The following CADM2 variants were observed in gnomAD, a reference collection of about 807,000 sequenced individuals.
CADM2 encodes the protein immunoglobulin superfamily member 4D.
In CADM2, 12 loss-of-function variants were observed where a neutral mutation model predicts 49.8. The ratio of observed to expected loss-of-function variants is 0.24; its 90% CI spans 0.15 to 0.39. The LOEUF is 0.39. Among genes scored for constraint, CADM2 ranks in the 10% least tolerant of loss-of-function variants. The pLI is 1.00. For synonymous variants in CADM2, 214 were observed against 175.4 expected (o/e 1.22, Z -1.74); for missense variants, 378 against 492.3 (o/e 0.77, Z 2.20).
intron 1 of CADM2, among the ~76,000 whole-genome samples, chr3:85,281,057 T>C (rs1313357758): frequency 6.6e-6 from 1 of 151,900 alleles, no homozygotes; most frequent in East Asian, 1.9e-4. Context: ...AAATGTAAAT[T>C]AATATAACCA....
chr3:85,757,483 G>A (rs1349219790), intron 2 of CADM2, among the ~76,000 whole-genome samples: 2 of 152,006 alleles, frequency 1.3e-5, no homozygotes, highest in African/African-American at 2.4e-5. Context: ...ATAATTTAGA[G>A]TGTGATAAAT....
intron 1 of CADM2, among the ~76,000 whole-genome samples, chr3:85,207,314 G>C (rs895416539): frequency 4.6e-5 from 7 of 152,022 alleles, no homozygotes; most frequent in Admixed American, 3.3e-4. Context: ...TTTCATCACT[G>C]ACTATTCATT....
Position 85,814,018 on chromosome 3 carries a change from G to A in CADM2, c.238+11822G>A, listed in dbSNP as rs537392747. Reference sequence around the variant, plus strand: ...TGTTACTTAGGATTGCCTTGGCTATGCGGGCTCTTTTTTGGTTCCATATGA... The same window carrying A: ...TGTTACTTAGGATTGCCTTGGCTATACGGGCTCTTTTTTGGTTCCATATGA... On this transcript the variant is annotated intron_variant, in intron 3 of 9. Coordinates refer to ENST00000383699, the MANE Select transcript of CADM2 (RefSeq NM_001167675.2). Among the ~76,000 whole-genome samples, 7 of 152,180 alleles carry A rather than the reference G, an allele frequency of 4.6e-5. No individual in the cohort carries two copies. In the South Asian group the frequency reaches 1.5e-3, roughly 32 times the overall value.
At chr3:86,063,667 A>T (rs1273943027) in intron 8 of CADM2, among the ~76,000 whole-genome samples, 2 of 152,056 alleles carry the variant, frequency 1.3e-5, no homozygotes, top group Non-Finnish European at 1.5e-5. Context: ...TTTTTTTTCT[A>T]TCTAGACATA....
At chr3:85,675,556 G>T (rs1043966033) in intron 1 of CADM2, among the ~76,000 whole-genome samples, 2 of 152,090 alleles carry the variant, frequency 1.3e-5, no homozygotes, top group African/African-American at 2.4e-5. Context: ...CTGTTCTCAT[G>T]CACAAGCATC....
chr3:85,249,999 T>C (rs2042739102), intron 1 of CADM2, among the ~76,000 whole-genome samples: 1 of 151,860 alleles, frequency 6.6e-6, no homozygotes, highest in African/African-American at 2.4e-5. Context: ...TGAAATAAAT[T>C]CATTATATTT....
intron 1 of CADM2, among the ~76,000 whole-genome samples, chr3:85,010,698 A>G (rs965296138): frequency 1.3e-5 from 2 of 151,674 alleles, no homozygotes; most frequent in Non-Finnish European, 2.9e-5. Flanking sequence ...TATGGCAGGT[A>G]TTATGTCATA....
chr3:85,321,980 C>T (rs771914289), intron 1 of CADM2, among the ~76,000 whole-genome samples: 2 of 151,962 alleles, frequency 1.3e-5, no homozygotes, highest in Non-Finnish European at 2.9e-5. Context: ...TCATTTTTGC[C>T]CAAGCATAAT....
intron 1 of CADM2, among the ~76,000 whole-genome samples, chr3:85,240,870 T>C (rs1230099433): frequency 2.6e-5 from 4 of 151,578 alleles, no homozygotes; most frequent in Non-Finnish European, 5.9e-5. Context: ...ACGTAATAGT[T>C]GTACATATCT....
chr3:85,581,444 A>G (rs111981125), intron 1 of CADM2, among the ~76,000 whole-genome samples: 6 of 152,184 alleles, frequency 3.9e-5, no homozygotes, highest in African/African-American at 1.4e-4. Context: ...AGAAAAAAAA[A>G]AAAAGGACTT....
intron 1 of CADM2, among the ~76,000 whole-genome samples, chr3:85,212,136 TTCTA>T (rs944366889): frequency 6.6e-6 from 1 of 152,154 alleles, no homozygotes; most frequent in Non-Finnish European, 1.5e-5. Context: ...GGAAATTTTT[TTCTA>T]TCTCTTTTTG....
chr3:85,767,360 A>C (rs1225893572), intron 2 of CADM2, among the ~76,000 whole-genome samples: 1 of 152,200 alleles, frequency 6.6e-6, no homozygotes, highest in Non-Finnish European at 1.5e-5. Context: ...GTGCTTAAGC[A>C]GAAGAGATTT....
At chr3:85,810,475 T>C (rs910403022) in intron 3 of CADM2, among the ~76,000 whole-genome samples, 2 of 152,066 alleles carry the variant, frequency 1.3e-5, no homozygotes, top group African/African-American at 2.4e-5. Flanking sequence ...TTCAGTTGCA[T>C]TGCTTCTCTG....
intron 1 of CADM2, among the ~76,000 whole-genome samples, chr3:85,473,316 T>A (rs1447162127): frequency 6.6e-6 from 1 of 152,060 alleles, no homozygotes; most frequent in Non-Finnish European, 1.5e-5. Flanking sequence ...TCATTCTTAT[T>A]GGACACAGCT....
intron 2 of CADM2, among the ~76,000 whole-genome samples, chr3:85,750,034 G>T (rs2068799184): frequency 2.0e-5 from 3 of 151,914 alleles, no homozygotes; most frequent in Admixed American, 1.3e-4. Flanking sequence ...ATTTTTCCAT[G>T]AATTACTCTT....
At chr3:84,991,227 G>C (rs532096943) in intron 1 of CADM2, among the ~76,000 whole-genome samples, 2 of 151,932 alleles carry the variant, frequency 1.3e-5, no homozygotes, top group Non-Finnish European at 2.9e-5. Flanking sequence ...TATAAACCTA[G>C]GGGACTCTGA....
At chr3:85,195,142 A>G (rs1258939191) in intron 1 of CADM2, among the ~76,000 whole-genome samples, 1 of 152,138 alleles carries the variant, frequency 6.6e-6, no homozygotes, top group Admixed American at 6.6e-5. Flanking sequence ...TCATGCCCAA[A>G]ACATGTCAAG....
At chr3:85,258,077 T>C (rs1254253519) in intron 1 of CADM2, among the ~76,000 whole-genome samples, 1 of 152,098 alleles carries the variant, frequency 6.6e-6, no homozygotes, top group Non-Finnish European at 1.5e-5. Flanking sequence ...AGATTCACTT[T>C]CCTATTGGCT....
chr3:85,185,020 TA>T (rs1415243290), intron 1 of CADM2, among the ~76,000 whole-genome samples: 1 of 152,020 alleles, frequency 6.6e-6, no homozygotes, highest in Non-Finnish European at 1.5e-5. Flanking sequence ...GCTAATGCAA[TA>T]AGGTCCCTAT....
Sources: gnomAD v4.1 joint callset for allele counts (sites outside exome capture counted in the v4.1 genomes callset) on GRCh38, gnomAD v4.1.1 for gene constraint, MANE v1.5 for transcripts, NCBI Gene and HGNC (gene_info 2026-07-23, HGNC 2026-07-21) for gene names.